LIMK1: variants seen among roughly 807,000 people sequenced by gnomAD.
The protein encoded by LIMK1 is LIM motif-containing protein kinase.
LIMK1 carries 21 observed loss-of-function variants against 77.6 expected under a neutral mutation model. The observed-to-expected ratio is 0.27, with a 90% CI of 0.19 to 0.39. The LOEUF (loss-of-function observed/expected upper bound fraction) is 0.39, where lower values mean the gene tolerates loss of function less well. Ranked by LOEUF, LIMK1 falls within the 10% of genes least tolerant of loss-of-function variation. The pLI is 1.00. For synonymous variants in LIMK1, 358 were observed against 370.0 expected (o/e 0.97, Z 0.37); for missense variants, 696 against 901.6 (o/e 0.77, Z 2.92).
At chr7:74,090,858 C>T (rs810532) in intron 2 of LIMK1, among the ~76,000 whole-genome samples, 115,266 of 152,028 alleles carry the variant, frequency 0.76, 44,997 homozygotes, top group Middle Eastern at 0.9. Flanking sequence ...ATAATTATGG[C>T]GTGCCCACTC....
chr7:74,084,424 C>T (rs1279858517), intron 1 of LIMK1, among the ~76,000 whole-genome samples: 1 of 152,206 alleles, frequency 6.6e-6, no homozygotes, highest in Non-Finnish European at 1.5e-5. Flanking sequence ...GAAGCCGCAG[C>T]CCCGGGTCCC....
intron 13 of LIMK1, among the ~76,000 whole-genome samples, chr7:74,116,862 C>A (rs559764983): frequency 6.6e-6 from 1 of 151,818 alleles, no homozygotes; most frequent in Non-Finnish European, 1.5e-5. Context: ...ACACCACACC[C>A]AGCTAATTTT....
At chr7:74,107,822 G>C (rs782285810) in intron 8 of LIMK1, 49 bp from the exon 9 acceptor site, 2 of 1,463,900 alleles carry the variant, frequency 1.4e-6, no homozygotes, top group East Asian at 4.9e-5. Context: ...CCTAGAAGGC[G>C]GGCTTACAGC....
At position 74,122,367 on chromosome 7, in the gene LIMK1, C is replaced by G. The variant is rs1413472873; in HGVS notation, c.*1066C>G. 6.6e-6 allele frequency: 1 copy of G among 152,440 alleles called. No homozygotes were observed. Among genetic ancestry groups the G allele is most frequent in the East Asian group, 1.9e-4 (1 of 5,188 alleles). 9.4% of individuals were successfully genotyped at this position (152,440 alleles called of 1,614,324 possible). A position where few individuals can be genotyped will look rare whatever the true frequency, so the allele number is the denominator to read the frequency against. On this transcript the variant is annotated 3_prime_UTR_variant, in exon 16 of 16. Transcript: ENST00000336180. ...TCTAGGAAGTATTAAAACTGTGAAGCTTTCTCAGTGCACTTTGAACCTGGA... is the reference window on the plus strand; with the variant it reads ...TCTAGGAAGTATTAAAACTGTGAAGGTTTCTCAGTGCACTTTGAACCTGGA...
chr7:74,105,141 A>G (rs1424592002), intron 5 of LIMK1, among the ~76,000 whole-genome samples: 6 of 152,042 alleles, frequency 3.9e-5, no homozygotes, highest in African/African-American at 1.4e-4. Flanking sequence ...TTCAGTAGAG[A>G]CGGCGTTTCA....
rs534664008 is a variant in LIMK1, at chr7:74,097,392, A to G, written c.401+203A>G. Among the ~76,000 whole-genome samples, 20 of 152,328 alleles carry G rather than the reference A, an allele frequency of 1.3e-4. 1 individual carries two copies. In the South Asian group the frequency reaches 4.1e-3, roughly 32 times the overall value. ...AGAAGTCAGTGTGAAAAAGCCTCAG[A>G]CGGCCAGGCATGCTGGCTCACGCCT... is the stretch of plus-strand genomic sequence containing the variant. On this transcript the variant is annotated intron_variant, in intron 4 of 15. Transcript: ENST00000336180.
intron 7 of LIMK1, 140 bp from the exon 8 acceptor site, chr7:74,106,870 C>G: frequency 1.2e-6 from 1 of 830,320 alleles, no homozygotes; most frequent in South Asian, 1.9e-5. Flanking sequence ...TGGACTGTCC[C>G]AGGCGGGCCC....
intron 2 of LIMK1, among the ~76,000 whole-genome samples, chr7:74,095,328 C>T (rs565535844): frequency 6.6e-6 from 1 of 152,264 alleles, no homozygotes; most frequent in Admixed American, 6.5e-5. Context: ...GGGTCTGTAC[C>T]CTGACCCAGA....
At chr7:74,086,201 A>G (rs1218278885) in intron 2 of LIMK1, among the ~76,000 whole-genome samples, 1 of 151,766 alleles carries the variant, frequency 6.6e-6, no homozygotes, top group East Asian at 1.9e-4. Context: ...GTGCACCACC[A>G]CGCCCAGCTA....
intron 5 of LIMK1, among the ~76,000 whole-genome samples, chr7:74,100,058 G>C (rs1799423637): frequency 6.6e-6 from 1 of 152,114 alleles, no homozygotes; most frequent in Admixed American, 6.6e-5. Context: ...AACACTTTGG[G>C]AGGCTGAGAT....
At chr7:74,085,289 G>A (rs1365192829) in intron 1 of LIMK1, among the ~76,000 whole-genome samples, 6 of 152,178 alleles carry the variant, frequency 3.9e-5, no homozygotes, top group Non-Finnish European at 2.9e-5. Flanking sequence ...TGACCTCCCA[G>A]CTGGCTTCAG....
chr7:74,106,354 G>T, intron 7 of LIMK1, 111 bp downstream of exon 7: 1 of 1,271,228 alleles, frequency 7.9e-7, no homozygotes, highest in Non-Finnish European at 1.1e-6. Context: ...GCCCAGGCTT[G>T]AGCCAGGGAG....
intron 2 of LIMK1, among the ~76,000 whole-genome samples, chr7:74,089,207 C>T (rs762822218): frequency 6.6e-6 from 1 of 152,150 alleles, no homozygotes; most frequent in Admixed American, 6.6e-5. Context: ...CACTCCACAT[C>T]GCCACAGAGT....
chr7:74,118,076 G>A (rs1375137057), intron 13 of LIMK1, among the ~76,000 whole-genome samples: 2 of 149,690 alleles, frequency 1.3e-5, no homozygotes, highest in Non-Finnish European at 3.0e-5. Flanking sequence ...CTGGGCAACA[G>A]AGGAAGACTG....
chr7:74,111,439 AG>A (rs1378438955), intron 10 of LIMK1: 18 of 554,920 alleles, frequency 3.2e-5, no homozygotes, highest in Non-Finnish European at 4.5e-5. Context: ...CTCCATCTAA[AG>A]AAAAAAAAAA....
chr7:74,116,513 C>T (rs1039851617), intron 13 of LIMK1, among the ~76,000 whole-genome samples: 4 of 152,192 alleles, frequency 2.6e-5, no homozygotes, highest in Admixed American at 1.3e-4. Flanking sequence ...GAAATCAAGA[C>T]GCCGGTAGGG....
intron 10 of LIMK1, chr7:74,110,465 C>T (rs1454692995): frequency 6.6e-6 from 1 of 152,266 alleles, no homozygotes; most frequent in African/African-American, 2.4e-5. Flanking sequence ...CTGGGCCCTT[C>T]TACCTCTTAC....
rs1554698157 is a variant in LIMK1, at chr7:74,109,035, T to G, written c.1283T>G (p.Met428Arg). The stretch of plus-strand genomic sequence containing the variant: ...ACGCTCCGGGGCATCATCAAGAGCA[T>G]GGTGAGTCCTGGGCAGAGCCAGCCA... ...GGTLRGIIKS[M>R]DSQYPWSQRV... Residue 428 changes from methionine to arginine, a missense_variant and splice_region_variant, in exon 10 of 16, where the codon ATG becomes AGG. Transcript: ENST00000336180. 6.2e-7 allele frequency: 1 copy of G among 1,611,684 alleles called. No individual in the cohort carries two copies. The highest frequency in any genetic ancestry group is 8.5e-7 in the Non-Finnish European group (1 of 1,178,826).
In LIMK1 at chr7:74,121,187, C is replaced by T. The variant is rs374748199; in HGVS notation, c.1830C>T (p.His610=). ...LEHWLETLRM[H]LAGHLPLGPQ... ...ACTGGCTGGAGACCCTCCGCATGCA[C>T]CTGGCCGGCCACCTGCCACTGGGCC... Residue 610 remains histidine, a synonymous_variant, in exon 16 of 16, where the codon CAC becomes CAT. Coordinates refer to ENST00000336180, the MANE Select transcript of LIMK1 (RefSeq NM_002314.4). 7.6e-5 allele frequency: 123 copies of T among 1,613,014 alleles called. No homozygotes were observed. The highest frequency in any genetic ancestry group is 9.6e-5 in the Non-Finnish European group (113 of 1,179,856).
Sources: gnomAD v4.1 joint callset for allele counts (sites outside exome capture counted in the v4.1 genomes callset) on GRCh38, gnomAD v4.1.1 for gene constraint, MANE v1.5 for transcripts, NCBI Gene and HGNC (gene_info 2026-07-23, HGNC 2026-07-21) for gene names.